The following PTPN6 variants were observed in gnomAD, a reference collection of about 807,000 sequenced individuals.
PTPN6 encodes the protein protein tyrosine phosphatase non-receptor type 6.
PTPN6 carries 18 observed loss-of-function variants against 81.5 expected under a neutral mutation model. The ratio of observed to expected loss-of-function variants is 0.22; its 90% CI spans 0.15 to 0.33. The LOEUF (loss-of-function observed/expected upper bound fraction) is 0.33, where lower values mean the gene tolerates loss of function less well. Ranked by LOEUF, PTPN6 falls within the 10% of genes least tolerant of loss-of-function variation. The pLI, the probability that PTPN6 is intolerant of heterozygous loss-of-function variation, is 1.00. For missense variants in PTPN6, 500 were observed against 794.2 expected (o/e 0.63, Z 4.45); for synonymous variants, 301 against 310.9 (o/e 0.97, Z 0.33).
chr12:6,946,707 TC>T (rs781838500), upstream of PTPN6: 20 of 1,610,472 alleles, frequency 1.2e-5, no homozygotes, highest in South Asian at 4.4e-5. Flanking sequence ...TGCCGTGGCT[TC>T]CCCCTCCCTA....
rs35119590 is a variant in PTPN6 at position 6,960,259 on chromosome 12, T to TGGG, written c.1581+32_1581+34dup. 41 of 1,147,518 alleles carry TGGG rather than the reference T, an allele frequency of 3.6e-5. No homozygotes were observed. Among genetic ancestry groups the TGGG allele is most frequent in the African/African-American group, 2.8e-4 (13 of 46,066 alleles). 71.1% of individuals were successfully genotyped at this position (1,147,518 alleles called of 1,614,324 possible). On this transcript the variant is annotated intron_variant, in intron 13 of 15. Transcript: ENST00000318974. This position sits in a 1 kb window ranked among gnomAD's most constrained non-coding sequence, Gnocchi z 6.1. Reference sequence around the variant, plus strand: ...CTGCAGGTGCGTGCAGAGCAGGGCCTGGGGGGGGGGGGGGCTGCAGTGCAG... The same window carrying TGGG: ...CTGCAGGTGCGTGCAGAGCAGGGCCTGGGGGGGGGGGGGGGGGCTGCAGTGCAG...
Position 6,959,816 on chromosome 12 carries a change from C to A in PTPN6, c.1362-111C>A. The A allele has an allele frequency of 1.7e-6, 2 of 1,181,036 alleles. No individual in the cohort carries two copies. Among genetic ancestry groups the A allele is most frequent in the Non-Finnish European group, 2.5e-6 (2 of 797,510 alleles). The allele number at this position is 1,181,036 out of a possible 1,614,324, so 73.2% of individuals were successfully genotyped here. A position where few individuals can be genotyped will look rare whatever the true frequency, so the allele number is the denominator to read the frequency against. On this transcript the variant is annotated intron_variant, in intron 11 of 15. Transcript: ENST00000318974. The surrounding 1 kb of genome is among the most constrained non-coding windows in gnomAD (Gnocchi z 6.6). Reference sequence around the variant, plus strand: ...ACCCTGGGCACATTCCCTCCCATCACTGGAGGCTCAGGCTGCTCCTGTGGT... The same window carrying A: ...ACCCTGGGCACATTCCCTCCCATCAATGGAGGCTCAGGCTGCTCCTGTGGT...
chr12:6,947,683 A>G (rs782662325), upstream of PTPN6, among the ~76,000 whole-genome samples: 15 of 151,830 alleles, frequency 9.9e-5, no homozygotes, highest in Middle Eastern at 3.4e-3. Context: ...AAAAAAAAAA[A>G]AAAAGAAAAT....
Position 6,952,184 on chromosome 12 carries a change from G to T in PTPN6, c.326+7G>T, listed in dbSNP as rs1555147889. ...CCGATCCCACTAGTGAGAGGTGAGG[G>T]CTCCGCACCCCCGCCATTCCCAAGC... is the stretch of plus-strand genomic sequence containing the variant. On this transcript the variant is annotated splice_region_variant and intron_variant, in intron 3 of 15. Coordinates refer to ENST00000318974, the MANE Select transcript of PTPN6 (RefSeq NM_002831.6). This position sits in a 1 kb window ranked among gnomAD's most constrained non-coding sequence, Gnocchi z 8.1. 6.2e-7 allele frequency: 1 copy of T among 1,612,540 alleles called. No homozygotes were observed. Among genetic ancestry groups the T allele is most frequent in the Non-Finnish European group, 8.5e-7 (1 of 1,179,880 alleles).
Position 6,960,268 on chromosome 12 carries a change from G to GGT in PTPN6, c.1581+30_1581+31insTG. ...CGTGCAGAGCAGGGCCTGGGGGGGG[G>GGT]GGGGGCTGCAGTGCAGGATGGGTGC... On this transcript the variant is annotated intron_variant, in intron 13 of 15. Transcript: ENST00000318974. This position sits in a 1 kb window ranked among gnomAD's most constrained non-coding sequence, Gnocchi z 6.1. The GGT allele has an allele frequency of 6.2e-7, 1 of 1,606,752 alleles. No homozygotes were observed. Among genetic ancestry groups the GGT allele is most frequent in the Non-Finnish European group, 8.5e-7 (1 of 1,178,184 alleles).
rs377270547 is a variant in PTPN6, at chr12:6,956,194, C to T, written c.897C>T (p.Ser299=). The stretch of plus-strand genomic sequence containing the variant: ...GACGGGACAGTAACATCCCCGGGTC[C>T]GACTACATCAATGCCAACTACATCA... The part of the protein sequence containing the change: ...LQGRDSNIPG[S]DYINANYIKN... The change falls in exon 8 of 16, where the codon TCC becomes TCT. Residue 299 remains serine, a synonymous_variant. Transcript: ENST00000318974. The surrounding 1 kb of genome is among the most constrained non-coding windows in gnomAD (Gnocchi z 4.1). 4.9e-5 allele frequency: 79 copies of T among 1,614,170 alleles called. 1 individual carries two copies. The African/African-American group carries it at 6.0e-4, about 12-fold the overall frequency.
upstream of PTPN6, among the ~76,000 whole-genome samples, chr12:6,948,501 G>GA (rs150270426): frequency 2.1e-5 from 3 of 140,366 alleles, no homozygotes; most frequent in Non-Finnish European, 3.1e-5. Flanking sequence ...GAGAAAGAAG[G>GA]AAAAAAAGGA....
rs1946042554 is a variant in PTPN6 at position 6,956,954 on chromosome 12, G to A, written c.1074+386G>A. Among the ~76,000 whole-genome samples, 1 of 152,174 alleles carries A rather than the reference G, an allele frequency of 6.6e-6. No individual in the cohort carries two copies. Among genetic ancestry groups the A allele is most frequent in the Non-Finnish European group, 1.5e-5 (1 of 68,046 alleles). ...TGATCCCATCCGTGACACAAACTGGGTCAAGTTCCTTCCTTTCTGAAATCT... is the reference window on the plus strand; with the variant it reads ...TGATCCCATCCGTGACACAAACTGGATCAAGTTCCTTCCTTTCTGAAATCT... On this transcript the variant is annotated intron_variant, in intron 9 of 15. Transcript: ENST00000318974. The surrounding 1 kb of genome is among the most constrained non-coding windows in gnomAD (Gnocchi z 4.1).
At chr12:6,947,035 C>G (rs782485555), upstream of PTPN6, among the ~76,000 whole-genome samples, 2 of 152,316 alleles carry the variant, frequency 1.3e-5, no homozygotes, top group Non-Finnish European at 2.9e-5. Flanking sequence ...TAGGACCTGT[C>G]CCCCTGGGTA....
Position 6,955,557 on chromosome 12 carries a change from C to T in PTPN6, c.747+72C>T, listed in dbSNP as rs990847370. 5 of 1,562,070 alleles carry T rather than the reference C, an allele frequency of 3.2e-6. No individual in the cohort carries two copies. The African/African-American group carries it at 5.4e-5, about 17-fold the overall frequency. The stretch of plus-strand genomic sequence containing the variant: ...GCGGCCTGGGGCCCCAGGCGGACAC[C>T]TTCCCCTCCTTGCCCACCTCTGCTC... On this transcript the variant is annotated intron_variant, in intron 6 of 15. Coordinates refer to ENST00000318974, the MANE Select transcript of PTPN6 (RefSeq NM_002831.6). This position sits in a 1 kb window ranked among gnomAD's most constrained non-coding sequence, Gnocchi z 7.2.
At chr12:6,948,472 G>GTTCC (rs1233406835), upstream of PTPN6, among the ~76,000 whole-genome samples, 62 of 135,738 alleles carry the variant, frequency 4.6e-4, no homozygotes, top group Non-Finnish European at 9.4e-5. Context: ...AAAGAAGGAA[G>GTTCC]GGAAGGAAGA....
chr12:6,955,542 GC>G lies in PTPN6; in HGVS notation c.747+61del, dbSNP rs1355227193. On this transcript the variant is annotated intron_variant, in intron 6 of 15. Coordinates refer to ENST00000318974, the MANE Select transcript of PTPN6 (RefSeq NM_002831.6). The surrounding 1 kb of genome is among the most constrained non-coding windows in gnomAD (Gnocchi z 7.2). ...GCTGAGGTGGTGGCAGCGGCCTGGG[GC>G]CCCAGGCGGACACCTTCCCCTCCTT... 1.3e-6 allele frequency: 2 copies of G among 1,586,246 alleles called. No individual in the cohort carries two copies. Among genetic ancestry groups the G allele is most frequent in the Non-Finnish European group, 1.7e-6 (2 of 1,155,914 alleles).
Position 6,960,104 on chromosome 12 carries a change from T to G in PTPN6, c.1446T>G (p.Ile482Met). 6.2e-7 allele frequency: 1 copy of G among 1,613,694 alleles called. No homozygotes were observed. The highest frequency in any genetic ancestry group is 8.5e-7 in the Non-Finnish European group (1 of 1,180,000). The change falls in exon 13 of 16, where the codon ATT (isoleucine) becomes ATG (methionine). Residue 482 changes from isoleucine to methionine, a missense_variant. This residue lies in a region of PTPN6 where 226 missense variants were observed against 364.4 expected (regional missense o/e 0.62). Transcript: ENST00000318974. This position sits in a 1 kb window ranked among gnomAD's most constrained non-coding sequence, Gnocchi z 6.1. ...NISTKGLDCD[I>M]DIQKTIQMVR... ...CCCACCCAGGCCTGGACTGTGACATTGACATCCAGAAGACCATCCAGATGG... is the reference window on the plus strand; with the variant it reads ...CCCACCCAGGCCTGGACTGTGACATGGACATCCAGAAGACCATCCAGATGG...
In PTPN6 at chr12:6,959,747, G is replaced by A. The variant is rs1163815420; in HGVS notation, c.1362-180G>A. On this transcript the variant is annotated intron_variant, in intron 11 of 15. Coordinates refer to ENST00000318974, the MANE Select transcript of PTPN6 (RefSeq NM_002831.6). The surrounding 1 kb of genome is among the most constrained non-coding windows in gnomAD (Gnocchi z 6.6). The stretch of plus-strand genomic sequence containing the variant: ...CACCGCAGAGCCCGAGGTGGAGCGT[G>A]TCCATGCAGAGCTGGGCAAACCTCC... The A allele has an allele frequency of 1.5e-6, 1 of 680,112 alleles. No homozygotes were observed. Among genetic ancestry groups the A allele is most frequent in the Non-Finnish European group, 2.6e-6 (1 of 387,028 alleles). The allele number at this position is 680,112 out of a possible 1,614,324, so 42.1% of individuals were successfully genotyped here.
Position 6,956,631 on chromosome 12 carries a change from A to G in PTPN6, c.1074+63A>G. The G allele has an allele frequency of 1.2e-6, 2 of 1,604,206 alleles. No homozygotes were observed. Among genetic ancestry groups the G allele is most frequent in the South Asian group, 1.1e-5 (1 of 90,720 alleles). On this transcript the variant is annotated intron_variant, in intron 9 of 15. Transcript: ENST00000318974. The surrounding 1 kb of genome is among the most constrained non-coding windows in gnomAD (Gnocchi z 4.1). ...TTGTGGTCATGCCATTAAGTCGAAG[A>G]GCAGTCAGATGCCAGGGCAGAAAGG...
Position 6,960,819 on chromosome 12 carries a change from G to A in PTPN6, c.1687G>A (p.Val563Met). The change falls in exon 15 of 16, where the codon GTG (valine) becomes ATG (methionine). Residue 563 changes from valine (V) to methionine (M), a missense_variant. Physicochemically the swap from Val to Met is conservative, Grantham distance 21. Transcript: ENST00000318974. The surrounding 1 kb of genome is among the most constrained non-coding windows in gnomAD (Gnocchi z 6.1). ...SRTSSKHKEDVYENLHTKNKR... is the reference protein window; with the variant it reads ...SRTSSKHKEDMYENLHTKNKR... ...ACCCGGCTGCAGACACAAGGAGGAT[G>A]TGTATGAGAACCTGCACACTAAGAA... The A allele has an allele frequency of 6.4e-7, 1 of 1,567,390 alleles. No individual in the cohort carries two copies. The highest frequency in any genetic ancestry group is 8.7e-7 in the Non-Finnish European group (1 of 1,155,496).
In PTPN6 at chr12:6,960,739, GGTCC is replaced by G; in HGVS notation, c.1674-66_1674-63del. 1 of 1,551,584 alleles carries G rather than the reference GGTCC, an allele frequency of 6.4e-7. No individual in the cohort carries two copies. The highest frequency in any genetic ancestry group is 8.7e-7 in the Non-Finnish European group (1 of 1,147,002). ...TGGCCAGAGGGGACTGCCAGTGCCGGGTCCCCCTGTGCTGTCTCCTGACCTGCAC... is the reference window on the plus strand; with the variant it reads ...TGGCCAGAGGGGACTGCCAGTGCCGGCCCTGTGCTGTCTCCTGACCTGCAC... On this transcript the variant is annotated intron_variant, in intron 14 of 15. Coordinates refer to ENST00000318974, the MANE Select transcript of PTPN6 (RefSeq NM_002831.6). The surrounding 1 kb of genome is among the most constrained non-coding windows in gnomAD (Gnocchi z 6.1).
upstream of PTPN6, chr12:6,946,768 G>A (rs782058425): frequency 6.2e-7 from 1 of 1,605,040 alleles, no homozygotes; most frequent in Admixed American, 1.7e-5. Context: ...CGGGGTCCCA[G>A]TCTCCTGTTA....
Position 6,959,106 on chromosome 12 carries a change from G to A in PTPN6, c.1362-821G>A, listed in dbSNP as rs1324699030. On this transcript the variant is annotated intron_variant, in intron 11 of 15. Transcript: ENST00000318974. This position sits in a 1 kb window ranked among gnomAD's most constrained non-coding sequence, Gnocchi z 6.6. ...TGTTTGTCCTGGGACAGGGCAAGTC[G>A]GCTGAATCTAGAGGTGCCCCCGATG... Among the ~76,000 whole-genome samples, 2 of 152,220 alleles carry A rather than the reference G, an allele frequency of 1.3e-5. No individual in the cohort carries two copies. Among genetic ancestry groups the A allele is most frequent in the Admixed American group, 6.5e-5 (1 of 15,282 alleles).
Sources: gnomAD v4.1 joint callset for allele counts (sites outside exome capture counted in the v4.1 genomes callset) on GRCh38, gnomAD v4.1.1 for gene constraint, gnomAD v4.1.1 regional missense constraint, Gnocchi (gnomAD v3.1) non-coding constraint, MANE v1.5 for transcripts, NCBI Gene and HGNC (gene_info 2026-07-23, HGNC 2026-07-21) for gene names.